The following NGF variants were observed in gnomAD, a reference collection of about 807,000 sequenced individuals.
NGF encodes nerve growth factor.
NGF carries 4 observed loss-of-function variants against 12.8 expected under a neutral mutation model. The observed-to-expected ratio is 0.31, with a 90% CI of 0.15 to 0.72. The LOEUF (loss-of-function observed/expected upper bound fraction) is 0.72. Among genes scored for constraint, NGF ranks in the 30% least tolerant of loss-of-function variants. NGF has a pLI of 0.69. For synonymous variants in NGF, 140 were observed against 130.0 expected, an observed-to-expected ratio of 1.08 and a Z score of -0.52; for missense variants, 283 against 330.8, an observed-to-expected ratio of 0.86 and a Z score of 1.12.
intron 1 of NGF, among the ~76,000 whole-genome samples, chr1:115,295,305 A>G (rs1280406471): frequency 6.6e-6 from 1 of 152,192 alleles, no homozygotes; most frequent in East Asian, 1.9e-4. Flanking sequence ...ATCCTGCTCA[A>G]AATAGTCTTC....
At chr1:115,315,295 G>A (rs58246327) in intron 1 of NGF, among the ~76,000 whole-genome samples, 8,263 of 152,294 alleles carry the variant, frequency 0.054, 476 homozygotes, top group East Asian at 0.31. Flanking sequence ...ACCAAGAAGA[G>A]AAACCGGAAG....
chr1:115,291,834 G>A (rs921391418), intron 2 of NGF, among the ~76,000 whole-genome samples: 3 of 152,336 alleles, frequency 2.0e-5, no homozygotes, highest in Non-Finnish European at 2.9e-5. Flanking sequence ...ATGGCACTGG[G>A]AGGCTTGGCA....
At chr1:115,317,449 G>A (rs1005296265) in intron 1 of NGF, among the ~76,000 whole-genome samples, 1 of 152,150 alleles carries the variant, frequency 6.6e-6, no homozygotes, top group Non-Finnish European at 1.5e-5. Context: ...GAGCTTAAAA[G>A]CCAGGCTGGT....
intron 1 of NGF, among the ~76,000 whole-genome samples, chr1:115,329,663 C>T (rs959939672): frequency 6.6e-6 from 1 of 151,780 alleles, no homozygotes. Flanking sequence ...TTACTCTATG[C>T]TCTTTCATTT....
chr1:115,327,578 A>G (rs1332569486), intron 1 of NGF, among the ~76,000 whole-genome samples: 4 of 152,262 alleles, frequency 2.6e-5, no homozygotes, highest in Non-Finnish European at 4.4e-5. Flanking sequence ...TTTCATGCGT[A>G]AGAAACATTC....
At chr1:115,290,984 C>T (rs1413387528) in intron 2 of NGF, among the ~76,000 whole-genome samples, 4 of 152,176 alleles carry the variant, frequency 2.6e-5, no homozygotes, top group Non-Finnish European at 5.9e-5. Flanking sequence ...TCTACCCTGC[C>T]TTGCATCTGC....
intron 1 of NGF, among the ~76,000 whole-genome samples, chr1:115,328,218 G>T (rs554474422): frequency 2.6e-5 from 4 of 152,140 alleles, no homozygotes; most frequent in Non-Finnish European, 5.9e-5. Context: ...CAGAATGGGG[G>T]CAGGCTAAGC....
At chr1:115,331,153 A>T (rs572631523) in intron 1 of NGF, among the ~76,000 whole-genome samples, 1 of 152,290 alleles carries the variant, frequency 6.6e-6, no homozygotes, top group African/African-American at 2.4e-5. Flanking sequence ...CCAGACTCTG[A>T]GGTAAGAACT....
At chr1:115,331,113 G>A (rs1284370455) in intron 1 of NGF, among the ~76,000 whole-genome samples, 3 of 152,078 alleles carry the variant, frequency 2.0e-5, no homozygotes, top group South Asian at 2.1e-4. Flanking sequence ...ATCGGGAAGG[G>A]GCCTCAGCTT....
chr1:115,324,848 G>T (rs542608963), intron 1 of NGF, among the ~76,000 whole-genome samples: 2 of 152,200 alleles, frequency 1.3e-5, no homozygotes, highest in South Asian at 2.1e-4. Flanking sequence ...TGCTATCCTT[G>T]TCAATTATTT....
chr1:115,333,941 C>T (rs1414378826), intron 1 of NGF, among the ~76,000 whole-genome samples: 2 of 151,746 alleles, frequency 1.3e-5, no homozygotes, highest in Non-Finnish European at 2.9e-5. Context: ...GAGTAGAAAG[C>T]ATGTGTTCCT....
At chr1:115,320,267 T>C (rs1008556526) in intron 1 of NGF, among the ~76,000 whole-genome samples, 4 of 152,164 alleles carry the variant, frequency 2.6e-5, no homozygotes, top group African/African-American at 9.7e-5. Flanking sequence ...ATACACTATG[T>C]TTTTTTCCCC....
intron 1 of NGF, among the ~76,000 whole-genome samples, chr1:115,317,381 T>C (rs774756456): frequency 6.6e-6 from 1 of 152,190 alleles, no homozygotes; most frequent in Non-Finnish European, 1.5e-5. Flanking sequence ...AAGAGAGTAG[T>C]TGCTGTTGGA....
intron 1 of NGF, among the ~76,000 whole-genome samples, chr1:115,309,855 T>C (rs1654294874): frequency 6.6e-6 from 1 of 151,476 alleles, no homozygotes; most frequent in African/African-American, 2.4e-5. Context: ...GACAATATTA[T>C]ACTTAAAACT....
chr1:115,305,719 T>C (rs1439624819), intron 1 of NGF, among the ~76,000 whole-genome samples: 1 of 152,230 alleles, frequency 6.6e-6, no homozygotes, highest in Admixed American at 6.5e-5. Flanking sequence ...ACTAATCTGA[T>C]AGAAATGTAG....
Position 115,286,556 on chromosome 1 carries a change from C to T in NGF, c.240G>A (p.Arg80=), listed in dbSNP as rs1160629618. 1.9e-6 allele frequency: 3 copies of T among 1,614,192 alleles called. No individual in the cohort carries two copies. The highest frequency in any genetic ancestry group is 2.5e-6 in the Non-Finnish European group (3 of 1,180,038). The change falls in exon 3 of 3, where the codon CGG becomes CGA. Residue 80 remains arginine, a synonymous_variant. Coordinates refer to ENST00000369512, the MANE Select transcript of NGF (RefSeq NM_002506.3). ...ITVDPRLFKK[R]RLRSPRVLFS... is the part of the protein sequence containing the mutation. ...ACAGCACACGGGGTGAACGGAGTCG[C>T]CGCTTTTTAAACAGCCTGGGGTCCA...
At chr1:115,297,805 G>A (rs972041309) in intron 1 of NGF, among the ~76,000 whole-genome samples, 1 of 152,120 alleles carries the variant, frequency 6.6e-6, no homozygotes, top group African/African-American at 2.4e-5. Context: ...GTTGTAGCTT[G>A]GAATCTTCTG....
At chr1:115,321,675 C>T (rs936972720) in intron 1 of NGF, among the ~76,000 whole-genome samples, 3 of 149,002 alleles carry the variant, frequency 2.0e-5, no homozygotes, top group Admixed American at 1.3e-4. Context: ...GGAGAAGAAA[C>T]CTTATAATAA....
intron 1 of NGF, among the ~76,000 whole-genome samples, chr1:115,318,003 C>A (rs1654516307): frequency 6.6e-6 from 1 of 152,150 alleles, no homozygotes; most frequent in African/African-American, 2.4e-5. Context: ...TTGGTCTTCA[C>A]CTTTCCCTGT....
Sources: gnomAD v4.1 joint callset for allele counts (sites outside exome capture counted in the v4.1 genomes callset) on GRCh38, gnomAD v4.1.1 for gene constraint, MANE v1.5 for transcripts, NCBI Gene and HGNC (gene_info 2026-07-23, HGNC 2026-07-21) for gene names.